NEBL: variants seen among roughly 807,000 people sequenced by gnomAD.
NEBL encodes the protein nebulette, also known as LIM and SH3 protein 2.
A neutral mutation model predicts 140.2 loss-of-function variants in NEBL; 122 were observed. The ratio of observed to expected loss-of-function variants is 0.87; its 90% confidence interval spans 0.75 to 1.01. The LOEUF (loss-of-function observed/expected upper bound fraction) is 1.01, where lower values mean the gene tolerates loss of function less well. Among genes scored for constraint, NEBL ranks in the 50% least tolerant of loss-of-function variants. The pLI is 0.00. For synonymous variants in NEBL, 436 were observed against 398.9 expected, an observed-to-expected ratio of 1.09 and a Z score of -1.11; for missense variants, 1,365 against 1,231.3, an observed-to-expected ratio of 1.11 and a Z score of -1.62.
chr10:21,291,854 T>C (rs1166659651), intron 1 of NEBL, among the ~76,000 whole-genome samples: 2 of 151,270 alleles, frequency 1.3e-5, no homozygotes, highest in African/African-American at 2.4e-5. Flanking sequence ...TGCAGTGAGC[T>C]GAGATCACGC....
intron 3 of NEBL, among the ~76,000 whole-genome samples, chr10:21,187,864 T>G (rs944812879): frequency 6.6e-6 from 1 of 152,126 alleles, no homozygotes; most frequent in African/African-American, 2.4e-5. Context: ...AATGGTTCCT[T>G]TTTCCCCTCT....
At chr10:21,126,061 TC>T (rs1669276615) in intron 2 of NEBL, 1 of 1,614,100 alleles carries the variant, frequency 6.2e-7, no homozygotes, top group Non-Finnish European at 8.5e-7. Context: ...CCTTCTGGTC[TC>T]CCCAACCAGC....
chr10:21,106,570 C>T (rs1382064700), intron 2 of NEBL, among the ~76,000 whole-genome samples: 1 of 152,034 alleles, frequency 6.6e-6, no homozygotes, highest in Non-Finnish European at 1.5e-5. Context: ...CCAGTACCAG[C>T]CTGTTTTGGT....
At chr10:20,894,353 G>A (rs917702607) in intron 2 of NEBL, among the ~76,000 whole-genome samples, 1 of 151,988 alleles carries the variant, frequency 6.6e-6, no homozygotes, top group African/African-American at 2.4e-5. Context: ...CACACCTGTA[G>A]TCCTAGCCAC....
rs1554826404 is a variant in NEBL at position 21,120,422 on chromosome 10, A to ATT, written c.164+51960_164+51961insAA. Among the ~76,000 whole-genome samples the ATT allele has an allele frequency of 2.4e-3, 205 of 87,110 alleles. 7 individuals are homozygous for ATT. Among genetic ancestry groups the ATT allele is most frequent in the African/African-American group, 0.012 (159 of 12,752 alleles). 57.1% of individuals were successfully genotyped at this position (87,110 alleles called of 152,430 possible). ...TATATATATATATATATATATATAT[A>ATT]TAAATTTGATCACTGGTTTAAAGTA... On this transcript the variant is annotated intron_variant, in intron 2 of 6. Coordinates refer to the NEBL transcript ENST00000417816.
chr10:20,909,047 TG>T (rs976128672), intron 4 of NEBL, among the ~76,000 whole-genome samples: 6 of 152,052 alleles, frequency 3.9e-5, no homozygotes, highest in African/African-American at 1.4e-4. Flanking sequence ...TATATATTTA[TG>T]GGGTACATGA....
At chr10:20,881,087 A>G (rs773121058) in intron 4 of NEBL, among the ~76,000 whole-genome samples, 183 bp from the exon 5 acceptor site, 23 of 152,206 alleles carry the variant, frequency 1.5e-4, no homozygotes, top group Non-Finnish European at 2.6e-4. Flanking sequence ...TAGATTCCTA[A>G]TTCTACCTCT....
At chr10:21,061,609 C>G (rs1191687464) in intron 2 of NEBL, among the ~76,000 whole-genome samples, 5 of 150,298 alleles carry the variant, frequency 3.3e-5, no homozygotes, top group Non-Finnish European at 7.4e-5. Flanking sequence ...ACTTATCTGA[C>G]GTTGGGATGA....
chr10:21,056,292 A>G (rs143734230), intron 2 of NEBL, among the ~76,000 whole-genome samples: 1 of 152,206 alleles, frequency 6.6e-6, no homozygotes, highest in Admixed American at 6.5e-5. Context: ...AAAACCTAAT[A>G]TAGAGTACTT....
At chr10:20,886,136 C>T (rs1846495464) in intron 4 of NEBL, among the ~76,000 whole-genome samples, 1 of 152,144 alleles carries the variant, frequency 6.6e-6, no homozygotes. Flanking sequence ...ACACGTTTAC[C>T]TATGTAACAA....
chr10:20,793,104 C>T (rs1238705227), intron 26 of NEBL, among the ~76,000 whole-genome samples: 11 of 152,096 alleles, frequency 7.2e-5, no homozygotes, highest in Non-Finnish European at 2.9e-5. Flanking sequence ...AGCCAGATTG[C>T]CTCTAGATTT....
At chr10:21,103,669 G>A (rs544718484) in intron 2 of NEBL, among the ~76,000 whole-genome samples, 9 of 152,108 alleles carry the variant, frequency 5.9e-5, no homozygotes, top group Non-Finnish European at 1.0e-4. Flanking sequence ...TCTTCCTGCT[G>A]AGTTTCAAGA....
At chr10:20,805,111 G>A (rs1033562218) in intron 26 of NEBL, among the ~76,000 whole-genome samples, 3 of 152,186 alleles carry the variant, frequency 2.0e-5, no homozygotes, top group South Asian at 2.1e-4. Context: ...TAGACATGGG[G>A]TATGAGTGAA....
chr10:21,052,596 C>T (rs1395662453), intron 2 of NEBL, among the ~76,000 whole-genome samples: 1 of 152,208 alleles, frequency 6.6e-6, no homozygotes, highest in Non-Finnish European at 1.5e-5. Flanking sequence ...GGTATAGAAG[C>T]TCTTTCTATA....
chr10:21,169,059 AAAAAAAAAATATATAT>A lies in NEBL; in HGVS notation c.164+3308_164+3323del, dbSNP rs1368684546. Among the ~76,000 whole-genome samples, 20 of 43,826 alleles carry A rather than the reference AAAAAAAAAATATATAT, an allele frequency of 4.6e-4. 2 individuals carry two copies. The highest frequency in any genetic ancestry group is 1.4e-3 in the African/African-American group (20 of 13,904). 28.8% of individuals were successfully genotyped at this position (43,826 alleles called of 152,430 possible). ...GTGAGACTCCGTCTACAAAAAAAAA[AAAAAAAAAATATATAT>A]ATATATATATATATATATATATATA... On this transcript the variant is annotated intron_variant, in intron 2 of 6. Coordinates refer to the NEBL transcript ENST00000417816.
At chr10:20,955,897 C>T (rs1397605700) in intron 4 of NEBL, among the ~76,000 whole-genome samples, 2 of 148,626 alleles carry the variant, frequency 1.3e-5, no homozygotes, top group Non-Finnish European at 3.0e-5. Context: ...CACTGAATCC[C>T]TCATCTCTTG....
chr10:20,838,935 A>G (rs79272555), intron 13 of NEBL, among the ~76,000 whole-genome samples: 8,756 of 152,256 alleles, frequency 0.058, 356 homozygotes, highest in Middle Eastern at 0.12. Context: ...GTATAAACAT[A>G]ACATGTATAT....
At chr10:20,848,895 A>G (rs1842216617) in intron 11 of NEBL, among the ~76,000 whole-genome samples, 1 of 152,214 alleles carries the variant, frequency 6.6e-6, no homozygotes. Context: ...AACCATAGTA[A>G]TATCTGAGTG....
intron 25 of NEBL, among the ~76,000 whole-genome samples, chr10:20,809,080 A>G (rs1238316314): frequency 6.6e-6 from 1 of 152,202 alleles, no homozygotes; most frequent in Non-Finnish European, 1.5e-5. Context: ...TGACTATAAA[A>G]GTACTAGAAT....
Sources: allele counts gnomAD v4.1 joint callset (sites outside exome capture counted in the v4.1 genomes callset), GRCh38; gene constraint gnomAD v4.1.1; transcripts MANE v1.5; gene names NCBI Gene and HGNC (gene_info 2026-07-23, HGNC 2026-07-21).